EXOC6: variants seen among roughly 807,000 people sequenced by gnomAD.
EXOC6 encodes SEC15-like 1.
Under a neutral mutation model 112.5 loss-of-function variants are expected in EXOC6, and 60 were observed. The ratio of observed to expected loss-of-function variants is 0.53; its 90% confidence interval spans 0.43 to 0.66. EXOC6 has a LOEUF of 0.66. EXOC6 is among the 30% of genes least tolerant of loss of function. EXOC6 has a pLI of 0.00. For synonymous variants in EXOC6, 295 were observed against 308.0 expected (o/e 0.96, Z 0.44); for missense variants, 855 against 957.1 (o/e 0.89, Z 1.41).
chr10:92,948,120 A>T (rs150991915), intron 13 of EXOC6, 154 bp from the exon 14 acceptor site: 136 of 511,056 alleles, frequency 2.7e-4, no homozygotes, highest in Non-Finnish European at 4.1e-4. Flanking sequence ...GAATTTTAGA[A>T]TTCTGGATGC....
At chr10:93,045,436 C>T (rs1730571356) in intron 20 of EXOC6, among the ~76,000 whole-genome samples, 1 of 152,174 alleles carries the variant, frequency 6.6e-6, no homozygotes, top group African/African-American at 2.4e-5. Context: ...TTATTCTCTT[C>T]CCTCGTGTTT....
intron 18 of EXOC6, among the ~76,000 whole-genome samples, chr10:92,991,835 A>G (rs919701075): frequency 2.0e-5 from 3 of 151,990 alleles, no homozygotes. Context: ...AAGGAGAACA[A>G]CCTGAGAGGG....
intron 4 of EXOC6, among the ~76,000 whole-genome samples, chr10:92,898,050 A>G (rs1356606459): frequency 9.2e-5 from 14 of 152,152 alleles, no homozygotes; most frequent in Admixed American, 9.2e-4. Flanking sequence ...TCTTATGGGA[A>G]TAAAGACACG....
intron 18 of EXOC6, among the ~76,000 whole-genome samples, chr10:92,981,840 G>A (rs1842837294): frequency 6.6e-6 from 1 of 152,136 alleles, no homozygotes; most frequent in South Asian, 2.1e-4. Flanking sequence ...ATGATCGGCT[G>A]GGTGCGGTGG....
At chr10:92,881,231 G>A (rs1044165895) in intron 1 of EXOC6, among the ~76,000 whole-genome samples, 3 of 152,130 alleles carry the variant, frequency 2.0e-5, no homozygotes, top group African/African-American at 7.2e-5. Context: ...GCTTTCTCCA[G>A]ACTAAGTGTC....
chr10:92,932,192 A>G (rs1241281775), intron 9 of EXOC6, among the ~76,000 whole-genome samples: 1 of 152,206 alleles, frequency 6.6e-6, no homozygotes, highest in Non-Finnish European at 1.5e-5. Context: ...AAAAATTCAT[A>G]TGCAGTAAAG....
At chr10:92,923,486 T>C (rs928792976) in intron 8 of EXOC6, among the ~76,000 whole-genome samples, 2 of 152,196 alleles carry the variant, frequency 1.3e-5, no homozygotes, top group Non-Finnish European at 2.9e-5. Context: ...AGTCAAGATG[T>C]CATGAGGACT....
At chr10:92,965,532 C>G (rs1179732249) in intron 17 of EXOC6, among the ~76,000 whole-genome samples, 1 of 152,008 alleles carries the variant, frequency 6.6e-6, no homozygotes, top group Non-Finnish European at 1.5e-5. Context: ...TGCTCTTGAC[C>G]TCCTGGTAAG....
intron 13 of EXOC6, among the ~76,000 whole-genome samples, chr10:92,945,833 TG>T (rs771539079): frequency 2.6e-5 from 4 of 152,220 alleles, no homozygotes; most frequent in Non-Finnish European, 5.9e-5. Context: ...CATTTAGCCC[TG>T]CCTTTTAACG....
At chr10:92,979,029 G>C (rs1488079223) in intron 18 of EXOC6, among the ~76,000 whole-genome samples, 1 of 152,178 alleles carries the variant, frequency 6.6e-6, no homozygotes, top group Non-Finnish European at 1.5e-5. Context: ...GATTTTCTGG[G>C]ATAGAGGTGA....
chr10:92,933,710 A>G (rs1852186911), intron 9 of EXOC6, among the ~76,000 whole-genome samples: 1 of 152,196 alleles, frequency 6.6e-6, no homozygotes, highest in Non-Finnish European at 1.5e-5. Context: ...TCATAAAACC[A>G]TAAAAGGTTT....
chr10:93,022,583 T>C (rs1008433523), intron 20 of EXOC6, among the ~76,000 whole-genome samples: 1 of 152,202 alleles, frequency 6.6e-6, no homozygotes, highest in Non-Finnish European at 1.5e-5. Context: ...CACTGTGGCA[T>C]GGCTTGAATT....
chr10:92,948,564 TACTACTACC>T (rs1418886232), intron 14 of EXOC6, among the ~76,000 whole-genome samples, 185 bp downstream of exon 14: 2 of 125,754 alleles, frequency 1.6e-5, no homozygotes, highest in African/African-American at 6.0e-5. Context: ...TTACTACTAC[TACTACTACC>T]ACTACTACTA....
intron 1 of EXOC6, among the ~76,000 whole-genome samples, chr10:92,871,428 G>T (rs1263379945): frequency 6.6e-6 from 1 of 151,232 alleles, no homozygotes; most frequent in African/African-American, 2.4e-5. Context: ...TGAGGTGGGA[G>T]GTTGGGGCTG....
At chr10:92,896,164 TATATATATATATATA>T (rs1849783889) in intron 4 of EXOC6, among the ~76,000 whole-genome samples, 1 of 27,180 alleles carries the variant, frequency 3.7e-5, no homozygotes, top group Non-Finnish European at 6.3e-5. Context: ...TATATATATA[TATATATATATATATA>T]TATTTTTTTT....
chr10:92,976,634 C>G (rs758496833), intron 18 of EXOC6, among the ~76,000 whole-genome samples: 4 of 144,548 alleles, frequency 2.8e-5, no homozygotes, highest in Admixed American at 7.1e-5. Flanking sequence ...TCCCCCTCTG[C>G]GAGAAACACC....
At chr10:92,955,488 A>T (rs376587611) in intron 16 of EXOC6, 92 bp from the exon 17 acceptor site, 9 of 993,910 alleles carry the variant, frequency 9.1e-6, no homozygotes, top group East Asian at 2.4e-5. Flanking sequence ...GAAATGGTAC[A>T]GTTGCTGGAA....
At chr10:92,860,610 C>T (rs966832980) in intron 1 of EXOC6, among the ~76,000 whole-genome samples, 6 of 152,166 alleles carry the variant, frequency 3.9e-5, no homozygotes, top group Non-Finnish European at 8.8e-5. Context: ...TAAACACTAA[C>T]TCCCATTCCC....
intron 5 of EXOC6, among the ~76,000 whole-genome samples, chr10:92,907,966 T>C (rs1291398495): frequency 6.6e-6 from 1 of 152,140 alleles, no homozygotes; most frequent in Non-Finnish European, 1.5e-5. Context: ...AGTTGTAATA[T>C]TTTGTCACAA....
Sources: allele counts gnomAD v4.1 joint callset (sites outside exome capture counted in the v4.1 genomes callset), GRCh38; gene constraint gnomAD v4.1.1; transcripts MANE v1.5; gene names NCBI Gene and HGNC (gene_info 2026-07-23, HGNC 2026-07-21).